The following ARR3 variants were observed in gnomAD, a reference collection of about 807,000 sequenced individuals.
The protein encoded by ARR3 is arrestin-C.
A neutral mutation model predicts 35.4 loss-of-function variants in ARR3; 14 were observed. The observed-to-expected ratio is 0.40, with a 90% CI of 0.26 to 0.62. The LOEUF (loss-of-function observed/expected upper bound fraction) is 0.62, where lower values mean the gene tolerates loss of function less well. Among genes scored for constraint, ARR3 ranks in the 20% least tolerant of loss-of-function variants. The pLI, the probability that ARR3 is intolerant of heterozygous loss-of-function variation, is 0.46. For synonymous variants in ARR3, 97 were observed against 119.1 expected, an observed-to-expected ratio of 0.81 and a Z score of 1.21; for missense variants, 259 against 303.8, an observed-to-expected ratio of 0.85 and a Z score of 1.10.
chrX:70,278,066 T>C lies in ARR3; in HGVS notation c.695T>C (p.Val232Ala). ...CATGTGCTTTTCCTGGCTTGTTCAGTTGACCAGATCACAGATGTTGTCCTG... is the reference window on the plus strand; with the variant it reads ...CATGTGCTTTTCCTGGCTTGTTCAGCTGACCAGATCACAGATGTTGTCCTG... ...NKVIKKIKIS[V>A]DQITDVVLYS... Residue 232 changes from valine (V) to alanine (A), a missense_variant and splice_region_variant, in exon 11 of 17, where the codon GTT (valine) becomes GCT (alanine). By Grantham distance (64) the Val-to-Ala change is moderately conservative. Transcript: ENST00000307959. 1 of 1,210,378 alleles carries C rather than the reference T, an allele frequency of 8.3e-7. No individual in the cohort carries two copies. The highest frequency in any genetic ancestry group is 1.1e-6 in the Non-Finnish European group (1 of 894,545).
rs1234326205 is a variant in ARR3 at position 70,277,543 on chromosome X, A to C, written c.609+14A>C. ...ATGGACAGGGAGGTTTGTGACCCCCACTTTTTGCCTCCCACCCCAGAACCC... is the reference window on the plus strand; with the variant it reads ...ATGGACAGGGAGGTTTGTGACCCCCCCTTTTTGCCTCCCACCCCAGAACCC... On this transcript the variant is annotated intron_variant, in intron 9 of 16. Coordinates refer to ENST00000307959, the MANE Select transcript of ARR3 (RefSeq NM_004312.3). 2 of 1,203,652 alleles carry C rather than the reference A, an allele frequency of 1.7e-6. No individual in the cohort carries two copies. Among genetic ancestry groups the C allele is most frequent in the South Asian group, 1.8e-5 (1 of 55,193 alleles).
Position 70,272,554 on chromosome X carries a change from T to C in ARR3, c.145+2410T>C, listed in dbSNP as rs1339786801. Among the ~76,000 whole-genome samples the C allele has an allele frequency of 2.7e-5, 3 of 112,517 alleles. No homozygotes were observed. In the Admixed American group the frequency reaches 2.8e-4, roughly 11 times the overall value. On this transcript the variant is annotated intron_variant, in intron 5 of 16. Transcript: ENST00000307959. ...ATCATATGGGGATACCACAACGCCC[T>C]GTAATGCACATCCTTTTCATACTTG...
rs775872462 is a variant in ARR3 at position 70,281,008 on chromosome X, G to C, written c.1067-91G>C. On this transcript the variant is annotated intron_variant, in intron 15 of 16. Coordinates refer to ENST00000307959, the MANE Select transcript of ARR3 (RefSeq NM_004312.3). The stretch of plus-strand genomic sequence containing the variant: ...GAGCAAAGGATTGGGAAGTTGGGGG[G>C]GGGGGAAGTAAAGATACTTCTTCAG... 4,337 of 957,681 alleles carry C rather than the reference G, an allele frequency of 4.5e-3. 46 individuals carry two copies. Among genetic ancestry groups the C allele is most frequent in the Non-Finnish European group, 5.7e-3 (4,008 of 703,737 alleles). 78.9% of individuals were successfully genotyped at this position (957,681 alleles called of 1,213,427 possible).
rs1460156326 is a variant in ARR3 at position 70,269,837 on chromosome X, C to T, written c.40-6C>T. On this transcript the variant is annotated splice_polypyrimidine_tract_variant and splice_region_variant and intron_variant, in intron 3 of 16. Coordinates refer to ENST00000307959, the MANE Select transcript of ARR3 (RefSeq NM_004312.3). ...GAGAATAACATGGGAAGTTGTTCCA[C>T]AACAGCTCTCCATCTACCTGGGGAA... is the stretch of plus-strand genomic sequence containing the variant. 3.3e-6 allele frequency: 4 copies of T among 1,207,406 alleles called. No homozygotes were observed. In the South Asian group the frequency reaches 7.1e-5, roughly 22 times the overall value.
chrX:70,275,913 G>A (rs961671445), intron 5 of ARR3, among the ~76,000 whole-genome samples, 169 bp from the exon 6 acceptor site: 51 of 109,105 alleles, frequency 4.7e-4, no homozygotes, highest in African/African-American at 1.7e-3. Context: ...TCCTGACCTC[G>A]TGATCCACCC....
At chrX:70,281,009 G>C (rs1380825002) in intron 15 of ARR3, 90 bp from the exon 16 acceptor site, 4 of 952,733 alleles carry the variant, frequency 4.2e-6, no homozygotes, top group Non-Finnish European at 4.3e-6. Context: ...AGTTGGGGGG[G>C]GGGGAAGTAA....
rs543463526 is a variant in ARR3 at position 70,280,667 on chromosome X, G to A, written c.1013+85G>A. 5.5e-5 allele frequency: 66 copies of A among 1,190,452 alleles called. 1 individual carries two copies. In the South Asian group the frequency reaches 1.1e-3, roughly 19 times the overall value. ...AGCAAAATAATGATTGATTCTGGAG[G>A]GTCTGAGGGCATCCAAAGACTGGAA... On this transcript the variant is annotated intron_variant, in intron 14 of 16. Transcript: ENST00000307959.
At chrX:70,271,497 T>C (rs1442736014) in intron 5 of ARR3, among the ~76,000 whole-genome samples, 1 of 112,238 alleles carries the variant, frequency 8.9e-6, no homozygotes, top group Non-Finnish European at 1.9e-5. Context: ...AGGCCAGTGA[T>C]AGGGCAGTAT....
At chrX:70,272,859 T>C (rs182800269) in intron 5 of ARR3, among the ~76,000 whole-genome samples, 2 of 112,598 alleles carry the variant, frequency 1.8e-5, no homozygotes, top group African/African-American at 6.4e-5. Context: ...TGTTTTGAGT[T>C]CTTAAAAATA....
chrX:70,270,235 C>A, intron 5 of ARR3, 91 bp downstream of exon 5: 1 of 987,431 alleles, frequency 1.0e-6, no homozygotes, highest in Non-Finnish European at 1.4e-6. Flanking sequence ...CAGAAAGTGG[C>A]AGGAACTGCG....
chrX:70,277,277 A>G, intron 8 of ARR3, 117 bp from the exon 9 acceptor site: 1 of 982,804 alleles, frequency 1.0e-6, no homozygotes, highest in Non-Finnish European at 1.4e-6. Flanking sequence ...GAGTTCTCTG[A>G]GGGAGGCCTT....
At chrX:70,273,307 C>G (rs1486426867) in intron 5 of ARR3, among the ~76,000 whole-genome samples, 1 of 103,405 alleles carries the variant, frequency 9.7e-6, no homozygotes, top group East Asian at 3.1e-4. Flanking sequence ...CAGCAACCTC[C>G]ACCTCCTGGG....
chrX:70,276,340 C>G (rs1324716657), intron 6 of ARR3, 59 bp downstream of exon 6: 23 of 1,188,324 alleles, frequency 1.9e-5, no homozygotes, highest in Non-Finnish European at 2.6e-5. Context: ...AGAGGAAGCT[C>G]AAGAAGGACA....
At chrX:70,281,426 T>C (rs917463792) in intron 16 of ARR3, among the ~76,000 whole-genome samples, 2 of 110,397 alleles carry the variant, frequency 1.8e-5, no homozygotes, top group African/African-American at 3.3e-5. Context: ...CCTTCCCTCC[T>C]TCCCATCCCT....
chrX:70,275,956 C>T lies in ARR3; in HGVS notation c.146-126C>T, dbSNP rs112234290. 6.4e-5 allele frequency: 47 copies of T among 735,447 alleles called. No individual in the cohort carries two copies. The East Asian group carries it at 1.1e-3, about 17-fold the overall frequency. The allele number at this position is 735,447 out of a possible 1,213,427, so 60.6% of individuals were successfully genotyped here. ...CCTCCCAAAGTGCTGGGATTACAGG[C>T]GTGAGCCACCGCGCCCAGCCAGCCT... On this transcript the variant is annotated intron_variant, in intron 5 of 16. Coordinates refer to ENST00000307959, the MANE Select transcript of ARR3 (RefSeq NM_004312.3).
Position 70,277,549 on chromosome X carries a change from T to C in ARR3, c.609+20T>C. ...AGGGAGGTTTGTGACCCCCACTTTT[T>C]GCCTCCCACCCCAGAACCCCTCTGA... is the stretch of plus-strand genomic sequence containing the variant. On this transcript the variant is annotated intron_variant, in intron 9 of 16. Transcript: ENST00000307959. 8.3e-7 allele frequency: 1 copy of C among 1,205,195 alleles called. No homozygotes were observed. The highest frequency in any genetic ancestry group is 1.1e-6 in the Non-Finnish European group (1 of 892,607).
chrX:70,277,757 C>G lies in ARR3; in HGVS notation c.651C>G (p.Ile217Met). ...HGEPISVNVS[I>M]NNCTNKVIKK... ...AACCCATCTCTGTCAATGTTTCTAT[C>G]AACAACTGCACCAACAAGGTCATCA... Residue 217 changes from isoleucine to methionine, a missense_variant, in exon 10 of 17, where the codon ATC (isoleucine) becomes ATG (methionine). Ile to Met is a conservative substitution (Grantham distance 10). Transcript: ENST00000307959. The G allele has an allele frequency of 8.3e-7, 1 of 1,210,643 alleles. No homozygotes were observed. The highest frequency in any genetic ancestry group is 1.1e-6 in the Non-Finnish European group (1 of 894,801).
chrX:70,269,598 T>G lies in ARR3; in HGVS notation c.9-64T>G. 9 of 1,148,709 alleles carry G rather than the reference T, an allele frequency of 7.8e-6. No homozygotes were observed. In the Admixed American group the frequency reaches 9.2e-5, roughly 12 times the overall value. The allele number at this position is 1,148,709 out of a possible 1,213,427, so 94.7% of individuals were successfully genotyped here. ...ATATTTCTTTTTCTCCCCAATTCCC[T>G]TATTTCCTCTTCCCTGCACTTCCAA... On this transcript the variant is annotated intron_variant, in intron 2 of 16. Coordinates refer to ENST00000307959, the MANE Select transcript of ARR3 (RefSeq NM_004312.3).
At position 70,280,271 on chromosome X, in the gene ARR3, T is replaced by C; in HGVS notation, c.982T>C (p.Cys328Arg). 1.7e-6 allele frequency: 2 copies of C among 1,209,994 alleles called. No individual in the cohort carries two copies. The highest frequency in any genetic ancestry group is 1.1e-6 in the Non-Finnish European group (1 of 893,979). ...AGTCAGAGTCAACCTGATGGTGTCC[T>C]GTGGTGGGTAAGTGAGGGTTCTGGG... is the stretch of plus-strand genomic sequence containing the variant. ...YKVRVNLMVSCGGILGDLTAS... is the reference protein window; with the variant it reads ...YKVRVNLMVSRGGILGDLTAS... The change falls in exon 13 of 17, where the codon TGT becomes CGT. Residue 328 changes from cysteine (C) to arginine (R), a missense_variant. Transcript: ENST00000307959.
Sources: gnomAD v4.1 joint callset for allele counts (sites outside exome capture counted in the v4.1 genomes callset) on GRCh38, gnomAD v4.1.1 for gene constraint, MANE v1.5 for transcripts, NCBI Gene and HGNC (gene_info 2026-07-23, HGNC 2026-07-21) for gene names.